CPAMD8: variants seen among roughly 807,000 people sequenced by gnomAD.
CPAMD8 encodes C3 and PZP-like alpha-2-macroglobulin domain-containing protein 8.
CPAMD8 carries 146 observed loss-of-function variants against 224.7 expected under a neutral mutation model. The ratio of observed to expected loss-of-function variants is 0.65; its 90% CI spans 0.57 to 0.75. CPAMD8 has a LOEUF of 0.75. Ranked by LOEUF, CPAMD8 falls within the 30% of genes least tolerant of loss-of-function variation. CPAMD8 has a pLI of 0.00. For synonymous variants in CPAMD8, 966 were observed against 1,044.6 expected (o/e 0.92, Z 1.45); for missense variants, 2,301 against 2,537.5 (o/e 0.91, Z 2.00).
intron 20 of CPAMD8, among the ~76,000 whole-genome samples, chr19:16,948,026 G>A (rs111390250): frequency 3.7e-4 from 56 of 152,320 alleles, no homozygotes; most frequent in African/African-American, 1.3e-3. Context: ...TGCATCATGT[G>A]CATGCTCACA....
chr19:17,011,971 G>A (rs995071201), intron 3 of CPAMD8, among the ~76,000 whole-genome samples: 4 of 152,160 alleles, frequency 2.6e-5, no homozygotes, highest in African/African-American at 9.6e-5. Flanking sequence ...TAGAGAGGCT[G>A]CTCAACATCT....
chr19:16,942,953 A>T lies in CPAMD8; in HGVS notation c.2793+2596T>A, dbSNP rs2053949537. Among the ~76,000 whole-genome samples the T allele has an allele frequency of 2.6e-5, 4 of 151,566 alleles. No homozygotes were observed. The South Asian group carries it at 8.3e-4, about 32-fold the overall frequency. On this transcript the variant is annotated intron_variant, in intron 22 of 41. Coordinates refer to ENST00000443236, the MANE Select transcript of CPAMD8 (RefSeq NM_015692.5). Reference sequence around the variant, plus strand: ...TTTGCCTGTTCTGGGCATTTCATATAAATTGAATCATACACCATGTGGCCT... The same window carrying T: ...TTTGCCTGTTCTGGGCATTTCATATTAATTGAATCATACACCATGTGGCCT...
intron 18 of CPAMD8, among the ~76,000 whole-genome samples, chr19:16,965,208 C>T (rs1254960185): frequency 1.3e-5 from 2 of 151,828 alleles, no homozygotes; most frequent in East Asian, 1.9e-4. Context: ...TGCAGTGAGC[C>T]GATATCGCAC....
intron 34 of CPAMD8, among the ~76,000 whole-genome samples, chr19:16,903,212 C>A (rs1296637637): frequency 6.6e-6 from 1 of 151,910 alleles, no homozygotes; most frequent in Admixed American, 6.6e-5. Context: ...CCTCTGACTG[C>A]CAGTCAGAAC....
intron 1 of CPAMD8, among the ~76,000 whole-genome samples, chr19:17,025,743 G>A (rs919114339): frequency 1.3e-5 from 2 of 152,300 alleles, no homozygotes; most frequent in African/African-American, 2.4e-5. Context: ...ATGAAAATTT[G>A]TAGGGTTCCG....
At chr19:16,956,824 T>C (rs546660494) in intron 19 of CPAMD8, among the ~76,000 whole-genome samples, 32 of 152,104 alleles carry the variant, frequency 2.1e-4, no homozygotes, top group Admixed American at 5.9e-4. Context: ...CCCGCCACCA[T>C]GCCCAGCTAT....
At chr19:17,020,411 C>T (rs958885372) in intron 2 of CPAMD8, 58 bp from the exon 3 acceptor site, 2 of 1,263,600 alleles carry the variant, frequency 1.6e-6, no homozygotes, top group Admixed American at 1.7e-5. Context: ...CCCTGCCTCC[C>T]TGAGCTGCAG....
rs898652163 is a variant in CPAMD8 at position 17,002,568 on chromosome 19, G to C, written c.674-218C>G. ...GACTAGGACCCCATTTTCCTCAAGG[G>C]GCCTCCCCTGTCACTTTTAGACCAC... On this transcript the variant is annotated intron_variant, in intron 8 of 41. Transcript: ENST00000443236. The C allele has an allele frequency of 6.6e-6, 3 of 451,506 alleles. No homozygotes were observed. In the African/African-American group the frequency reaches 6.9e-5, roughly 10 times the overall value. 28.0% of individuals were successfully genotyped at this position (451,506 alleles called of 1,614,324 possible). A position where few individuals can be genotyped will look rare whatever the true frequency, so the allele number is the denominator to read the frequency against.
At chr19:16,935,358 C>T (rs1397220460) in intron 23 of CPAMD8, among the ~76,000 whole-genome samples, 1 of 152,132 alleles carries the variant, frequency 6.6e-6, no homozygotes, top group Non-Finnish European at 1.5e-5. Context: ...ACTAAACATT[C>T]CCAACACCAC....
Position 16,976,010 on chromosome 19 carries a change from G to A in CPAMD8, c.1900C>T (p.Pro634Ser), listed in dbSNP as rs748141847. The change falls in exon 16 of 42, where the codon CCT (proline) becomes TCT (serine). Residue 634 changes from proline to serine, a missense_variant. Pro to Ser is a moderately conservative substitution (Grantham distance 74, BLOSUM62 -1). Coordinates refer to ENST00000443236, the MANE Select transcript of CPAMD8 (RefSeq NM_015692.5). ...CCGAGGGGTCTGCTCACCTGGGCAG[G>A]AGTCAGCCGGAACCCAGACCTGAGC... ...YLLRSGFRLTPAQVFQELEDY... is the reference protein window; with the variant it reads ...YLLRSGFRLTSAQVFQELEDY... The A allele has an allele frequency of 5.0e-6, 8 of 1,594,594 alleles. No homozygotes were observed. Among genetic ancestry groups the A allele is most frequent in the East Asian group, 2.3e-5 (1 of 43,656 alleles).
chr19:17,004,450 AGG>A, intron 7 of CPAMD8, 64 bp from the exon 8 acceptor site: 1 of 1,055,136 alleles, frequency 9.5e-7, no homozygotes, highest in South Asian at 1.3e-5. Context: ...GTACGGGAAG[AGG>A]GAGCCAGGAC....
intron 13 of CPAMD8, among the ~76,000 whole-genome samples, chr19:16,985,445 A>G (rs2055684325): frequency 6.8e-6 from 1 of 146,906 alleles, no homozygotes; most frequent in Non-Finnish European, 1.5e-5. Flanking sequence ...GGAGGGAGAG[A>G]GGGTAGATGG....
chr19:16,906,682 C>T (rs2052530790), intron 30 of CPAMD8, among the ~76,000 whole-genome samples: 3 of 151,896 alleles, frequency 2.0e-5, no homozygotes, highest in Non-Finnish European at 4.4e-5. Context: ...TGAGCCACCG[C>T]GCCTGGTCGA....
chr19:17,016,822 G>A (rs2056824891), intron 3 of CPAMD8, among the ~76,000 whole-genome samples: 1 of 151,602 alleles, frequency 6.6e-6, no homozygotes, highest in Admixed American at 6.6e-5. Flanking sequence ...GAGAGAGAGA[G>A]GAAGGAAGGG....
At chr19:17,012,645 G>T (rs979502056) in intron 3 of CPAMD8, among the ~76,000 whole-genome samples, 9 of 152,168 alleles carry the variant, frequency 5.9e-5, no homozygotes, top group Non-Finnish European at 1.2e-4. Flanking sequence ...GCCTGCCCCA[G>T]CTTTCAGCCA....
At chr19:16,911,735 CG>C (rs1568466211) in intron 29 of CPAMD8, among the ~76,000 whole-genome samples, 1 of 152,028 alleles carries the variant, frequency 6.6e-6, no homozygotes, top group Admixed American at 6.6e-5. Context: ...TTAGTAGAGA[CG>C]GGGTTTCACC....
chr19:16,991,848 CTG>C (rs1437318458), intron 12 of CPAMD8, among the ~76,000 whole-genome samples: 4 of 122,858 alleles, frequency 3.3e-5, no homozygotes, highest in Non-Finnish European at 7.1e-5. Context: ...GAGCAAGACT[CTG>C]TATCAAAAAA....
In CPAMD8 at chr19:16,954,945, G is replaced by A. The variant is rs1412482985; in HGVS notation, c.2277-2745C>T. Among the ~76,000 whole-genome samples the A allele has an allele frequency of 3.3e-5, 5 of 152,170 alleles. No homozygotes were observed. The East Asian group carries it at 7.7e-4, about 23-fold the overall frequency. On this transcript the variant is annotated intron_variant, in intron 19 of 41. Transcript: ENST00000443236. ...AGATCGATACCATCCTGGGTAACAC[G>A]GTGAAACCCCGTCTCTACTAAAAAT...
intron 27 of CPAMD8, among the ~76,000 whole-genome samples, chr19:16,921,367 T>C (rs898957900): frequency 6.6e-6 from 1 of 151,842 alleles, no homozygotes; most frequent in Non-Finnish European, 1.5e-5. Context: ...GTGAACCCCA[T>C]GATGATGCCA....
Sources: allele counts gnomAD v4.1 joint callset (sites outside exome capture counted in the v4.1 genomes callset), GRCh38; gene constraint gnomAD v4.1.1; transcripts MANE v1.5; gene names NCBI Gene and HGNC (gene_info 2026-07-23, HGNC 2026-07-21).